JAK2: variants seen among roughly 807,000 people sequenced by gnomAD.
JAK2 encodes the protein tyrosine-protein kinase JAK2.
JAK2 carries 86 observed loss-of-function variants against 139.3 expected under a neutral mutation model. That is an observed-to-expected ratio of 0.62 (90% confidence interval 0.52 to 0.74). JAK2 has a LOEUF of 0.74. Among genes scored for constraint, JAK2 ranks in the 30% least tolerant of loss-of-function variants. JAK2 has a pLI of 0.00. For missense variants in JAK2, 1,421 were observed against 1,360.3 expected, an observed-to-expected ratio of 1.04 and a Z score of -0.70; for synonymous variants, 490 against 437.7, an observed-to-expected ratio of 1.12 and a Z score of -1.49.
intron 23 of JAK2, among the ~76,000 whole-genome samples, chr9:5,123,921 G>A (rs1823802229): frequency 1.3e-5 from 2 of 150,468 alleles, no homozygotes; most frequent in South Asian, 4.2e-4. Flanking sequence ...CTGGAATAAG[G>A]CATATCTCAT....
intron 4 of JAK2, among the ~76,000 whole-genome samples, chr9:5,033,539 C>G (rs550268327): frequency 5.6e-4 from 86 of 152,314 alleles, no homozygotes; most frequent in Non-Finnish European, 1.0e-3. Flanking sequence ...AACAGCAGAT[C>G]TCTTGGCAGA....
At chr9:5,126,277 A>C (rs1026225395) in intron 23 of JAK2, 56 bp from the exon 24 acceptor site, 1 of 1,284,820 alleles carries the variant, frequency 7.8e-7, no homozygotes, top group East Asian at 2.4e-5. Context: ...GAAATTGAGA[A>C]AGAATTTTGC....
chr9:5,090,531 T>A lies in JAK2; in HGVS notation c.2847T>A (p.Asp949Glu). Residue 949 changes from aspartate (D) to glutamate (E), a missense_variant, in exon 21 of 25, where the codon GAT (aspartate) becomes GAA (glutamate). Asp to Glu is a conservative substitution (Grantham distance 45, BLOSUM62 2). Transcript: ENST00000381652. ...DYLQKHKERI[D>E]HIKLLQYTSQ... ...TTCAAAAACATAAAGAACGGATAGA[T>A]CACATAAAACTTCTGCAGTACACAT... 1.3e-6 allele frequency: 2 copies of A among 1,596,974 alleles called. No homozygotes were observed. The highest frequency in any genetic ancestry group is 1.7e-6 in the Non-Finnish European group (2 of 1,171,506).
chr9:5,051,474 G>C (rs1375074784), intron 6 of JAK2, among the ~76,000 whole-genome samples: 2 of 152,118 alleles, frequency 1.3e-5, no homozygotes, highest in Non-Finnish European at 2.9e-5. Flanking sequence ...CCTAATCCAA[G>C]AGATTTGGAT....
chr9:5,030,003 C>T (rs912389883), intron 4 of JAK2, 97 bp downstream of exon 4: 1 of 1,012,562 alleles, frequency 9.9e-7, no homozygotes, highest in Non-Finnish European at 1.4e-6. Context: ...ATACCAGATA[C>T]CTGAACCAAT....
intron 10 of JAK2, among the ~76,000 whole-genome samples, chr9:5,068,337 A>G (rs1818709890): frequency 6.6e-6 from 1 of 152,210 alleles, no homozygotes; most frequent in Non-Finnish European, 1.5e-5. Flanking sequence ...CATAAGACAA[A>G]TATTTAAAAA....
At chr9:5,112,318 C>A in intron 22 of JAK2, 1 of 279,198 alleles carries the variant, frequency 3.6e-6, no homozygotes, top group Non-Finnish European at 6.9e-6. Flanking sequence ...GCTAGCCAGG[C>A]GCCCTCCCCG....
rs535068968 is a variant in JAK2, at chr9:5,119,514, T to TA, written c.3060-3488dup. On this transcript the variant is annotated intron_variant, in intron 22 of 24. Transcript: ENST00000381652. ...GAAAAAATCATGAGGGCAGTCAGGA[T>TA]AAGCTGAAGATGATATATATATCTG... 8.3e-4 allele frequency among the ~76,000 whole-genome samples: 126 copies of TA among 152,254 alleles called. 1 individual carries two copies. In the East Asian group the frequency reaches 0.023, roughly 28 times the overall value.
intron 22 of JAK2, among the ~76,000 whole-genome samples, chr9:5,095,718 C>T (rs545311489): frequency 3.5e-4 from 53 of 152,222 alleles, no homozygotes; most frequent in African/African-American, 1.0e-3. Context: ...TTAACGTAAG[C>T]GGTTGAGGAG....
chr9:5,114,222 C>G, intron 22 of JAK2: 2 of 517,422 alleles, frequency 3.9e-6, no homozygotes, highest in Non-Finnish European at 3.8e-6. Flanking sequence ...CCCCTTCTAC[C>G]TGTTCATCCG....
chr9:5,041,214 TG>T, intron 4 of JAK2: 3 of 1,467,036 alleles, frequency 2.0e-6, no homozygotes, highest in Non-Finnish European at 2.8e-6. Flanking sequence ...GAGAACTTCC[TG>T]GTGGGGCGCC....
intron 15 of JAK2, 95 bp from the exon 16 acceptor site, chr9:5,078,211 T>C: frequency 9.9e-7 from 1 of 1,014,638 alleles, no homozygotes; most frequent in Non-Finnish European, 1.4e-6. Flanking sequence ...ATCATGTATT[T>C]TTCTTCTTTA....
intron 2 of JAK2, among the ~76,000 whole-genome samples, chr9:5,003,736 T>C (rs1358601220): frequency 6.6e-6 from 1 of 152,116 alleles, no homozygotes; most frequent in Admixed American, 6.5e-5. Context: ...ATGTCCACTA[T>C]GGTATTGAAT....
chr9:5,019,362 G>A (rs995280460), intron 2 of JAK2, among the ~76,000 whole-genome samples: 10 of 151,916 alleles, frequency 6.6e-5, no homozygotes, highest in Admixed American at 3.9e-4. Context: ...GAATTCTTCA[G>A]TTTCAGGGTT....
In JAK2 at chr9:5,069,916, T is replaced by C; in HGVS notation, c.1514-9T>C. On this transcript the variant is annotated splice_polypyrimidine_tract_variant and intron_variant, in intron 11 of 24. Transcript: ENST00000381652. ...TTTGAAGTGATATATATGTATTTTA[T>C]TTTTTCAGATAAATCAAACCTTCTA... The C allele has an allele frequency of 1.3e-6, 2 of 1,567,748 alleles. No individual in the cohort carries two copies. The highest frequency in any genetic ancestry group is 2.3e-5 in the South Asian group (2 of 85,874).
intron 2 of JAK2, among the ~76,000 whole-genome samples, chr9:5,015,872 G>A (rs1006955690): frequency 2.6e-5 from 4 of 151,820 alleles, no homozygotes; most frequent in Admixed American, 1.3e-4. Flanking sequence ...TTCTAAACAC[G>A]ATTGTGTCAT....
chr9:5,064,859 T>C, intron 8 of JAK2, 24 bp from the exon 9 acceptor site: 1 of 1,497,086 alleles, frequency 6.7e-7, no homozygotes, highest in Non-Finnish European at 8.9e-7. Context: ...AAAGGTGCTA[T>C]TTCTTTTTCT....
At chr9:5,047,488 T>C (rs1361160032) in intron 5 of JAK2, among the ~76,000 whole-genome samples, 1 of 152,256 alleles carries the variant, frequency 6.6e-6, no homozygotes, top group Non-Finnish European at 1.5e-5. Flanking sequence ...CAACTTTTAA[T>C]TAATTCATAT....
chr9:5,026,950 T>C (rs910921952), intron 3 of JAK2, among the ~76,000 whole-genome samples: 1 of 152,252 alleles, frequency 6.6e-6, no homozygotes, highest in African/African-American at 2.4e-5. Flanking sequence ...TATTAATGTA[T>C]TGTGTAAAAC....
Sources: gnomAD v4.1 joint callset for allele counts (sites outside exome capture counted in the v4.1 genomes callset) on GRCh38, gnomAD v4.1.1 for gene constraint, MANE v1.5 for transcripts, NCBI Gene and HGNC (gene_info 2026-07-23, HGNC 2026-07-21) for gene names.